Variants in RALGAPA1 observed in about 807,000 individuals in gnomAD.
The protein encoded by RALGAPA1 is ral GTPase-activating protein subunit alpha-1.
RALGAPA1 carries 52 observed loss-of-function variants against 269.6 expected under a neutral mutation model. The observed-to-expected ratio is 0.19, with a 90% confidence interval of 0.15 to 0.24. The LOEUF is 0.24. RALGAPA1 is among the 10% of genes least tolerant of loss of function. The pLI is 1.00. For synonymous variants in RALGAPA1, 817 were observed against 1,008.3 expected (o/e 0.81, Z 3.60); for missense variants, 1,917 against 3,013.9 (o/e 0.64, Z 8.52).
At chr14:35,692,091 C>T (rs1330464061) in intron 17 of RALGAPA1, among the ~76,000 whole-genome samples, 2 of 152,072 alleles carry the variant, frequency 1.3e-5, no homozygotes, top group Non-Finnish European at 2.9e-5. Flanking sequence ...CATAAGAGAT[C>T]ATAAGAACTT....
At chr14:35,683,022 G>C (rs2065590517) in intron 21 of RALGAPA1, among the ~76,000 whole-genome samples, 1 of 152,166 alleles carries the variant, frequency 6.6e-6, no homozygotes, top group Non-Finnish European at 1.5e-5. Context: ...CACTGCGCCA[G>C]TCTTGCAAGT....
chr14:35,763,946 G>A (rs1173434983), intron 4 of RALGAPA1, among the ~76,000 whole-genome samples: 1 of 152,094 alleles, frequency 6.6e-6, no homozygotes, highest in Non-Finnish European at 1.5e-5. Flanking sequence ...ATTGACAGAT[G>A]CTCTAATATT....
At chr14:35,767,570 C>A (rs1178243612) in intron 4 of RALGAPA1, among the ~76,000 whole-genome samples, 1 of 152,012 alleles carries the variant, frequency 6.6e-6, no homozygotes, top group Non-Finnish European at 1.5e-5. Flanking sequence ...CCTGTATAGT[C>A]CCAGCTACTC....
At chr14:35,749,118 T>G (rs978547585) in intron 9 of RALGAPA1, among the ~76,000 whole-genome samples, 1 of 152,184 alleles carries the variant, frequency 6.6e-6, no homozygotes, top group African/African-American at 2.4e-5. Flanking sequence ...AACAAGTTAT[T>G]AATCAAAGCT....
At chr14:35,564,637 G>A (rs908667991) in intron 39 of RALGAPA1, 3 of 152,096 alleles carry the variant, frequency 2.0e-5, no homozygotes, top group African/African-American at 4.8e-5. Flanking sequence ...GAAATCAAAC[G>A]ATACTAGTTG....
chr14:35,769,305 T>C (rs1314252096), intron 4 of RALGAPA1, among the ~76,000 whole-genome samples: 1 of 151,890 alleles, frequency 6.6e-6, no homozygotes, highest in Non-Finnish European at 1.5e-5. Flanking sequence ...TTTAGCAACA[T>C]GGATACAGCT....
intron 39 of RALGAPA1, among the ~76,000 whole-genome samples, chr14:35,563,316 ATATGT>A (rs1210684956): frequency 1.3e-5 from 2 of 152,118 alleles, no homozygotes; most frequent in African/African-American, 2.4e-5. Flanking sequence ...TGAATAATAA[ATATGT>A]TAGGTAGAAA....
chr14:35,738,667 A>G lies in RALGAPA1; in HGVS notation c.1450-17T>C. 1 of 1,595,422 alleles carries G rather than the reference A, an allele frequency of 6.3e-7. No homozygotes were observed. Among genetic ancestry groups the G allele is most frequent in the Non-Finnish European group, 8.5e-7 (1 of 1,172,362 alleles). ...CCCATTTTCCTGAAGCAAAATATCA[A>G]GTTTTTAATATTTCATTACTAAGAA... is the stretch of plus-strand genomic sequence containing the variant. On this transcript the variant is annotated splice_polypyrimidine_tract_variant and intron_variant, in intron 11 of 41. Coordinates refer to ENST00000680220, the MANE Select transcript of RALGAPA1 (RefSeq NM_001346249.2).
rs374374406 is a variant in RALGAPA1 at position 35,775,073 on chromosome 14, G to A, written c.218-18C>T. On this transcript the variant is annotated intron_variant, in intron 2 of 41. Coordinates refer to ENST00000680220, the MANE Select transcript of RALGAPA1 (RefSeq NM_001346249.2). ...CTTGTGACCTAAAACATTTTTATAA[G>A]AAAACATTTAAAACATATCATTTTG... 3 of 1,379,780 alleles carry A rather than the reference G, an allele frequency of 2.2e-6. No individual in the cohort carries two copies. The highest frequency in any genetic ancestry group is 1.5e-5 in the African/African-American group (1 of 68,906). 85.5% of individuals were successfully genotyped at this position (1,379,780 alleles called of 1,614,324 possible). A position where few individuals can be genotyped will look rare whatever the true frequency, so the allele number is the denominator to read the frequency against.
chr14:35,766,263 G>C (rs765619831), intron 4 of RALGAPA1: 53 of 813,508 alleles, frequency 6.5e-5, no homozygotes, highest in Non-Finnish European at 1.1e-4. Flanking sequence ...TGCAGCAATT[G>C]TCTTGGGTGT....
chr14:35,730,608 C>T (rs1357852598), intron 12 of RALGAPA1, among the ~76,000 whole-genome samples: 2 of 151,118 alleles, frequency 1.3e-5, no homozygotes, highest in South Asian at 2.1e-4. Context: ...CTGTGACTGC[C>T]GGCTTTCCCT....
chr14:35,646,908 G>A (rs1397243246), intron 31 of RALGAPA1, among the ~76,000 whole-genome samples: 3 of 152,048 alleles, frequency 2.0e-5, no homozygotes. Flanking sequence ...ATAATTCTTT[G>A]TACTACCCTT....
chr14:35,760,000 T>C (rs1051930061), intron 6 of RALGAPA1, among the ~76,000 whole-genome samples: 1 of 151,996 alleles, frequency 6.6e-6, no homozygotes, highest in Non-Finnish European at 1.5e-5. Flanking sequence ...AATTAAACAT[T>C]ACTGAAATTA....
At chr14:35,756,767 G>A (rs755224251) in intron 7 of RALGAPA1, 26 bp downstream of exon 7, 44 of 1,455,508 alleles carry the variant, frequency 3.0e-5, no homozygotes, top group Middle Eastern at 4.8e-4. Context: ...AGTAAGGAGT[G>A]TGATATCAAA....
intron 38 of RALGAPA1, 135 bp from the exon 39 acceptor site, chr14:35,570,879 A>C: frequency 1.2e-6 from 1 of 810,892 alleles, no homozygotes; most frequent in Non-Finnish European, 1.9e-6. Context: ...TACTATTTGA[A>C]TTCAATTCTT....
At chr14:35,711,986 C>T (rs2068389767) in intron 16 of RALGAPA1, among the ~76,000 whole-genome samples, 1 of 152,076 alleles carries the variant, frequency 6.6e-6, no homozygotes, top group Non-Finnish European at 1.5e-5. Context: ...GTGGCTCACG[C>T]CTATAATCCC....
At chr14:35,544,934 C>G (rs577835586) in intron 41 of RALGAPA1, among the ~76,000 whole-genome samples, 1 of 152,074 alleles carries the variant, frequency 6.6e-6, no homozygotes, top group Non-Finnish European at 1.5e-5. Context: ...GTAATCCCAG[C>G]TACTTGAGAG....
At chr14:35,804,543 T>TCC (rs2077212632) in intron 1 of RALGAPA1, among the ~76,000 whole-genome samples, 1 of 151,728 alleles carries the variant, frequency 6.6e-6, no homozygotes, top group Non-Finnish European at 1.5e-5. Flanking sequence ...CACTCCAGCC[T>TCC]GGGTGACAGA....
chr14:35,609,483 G>A (rs1433438668), intron 35 of RALGAPA1, among the ~76,000 whole-genome samples: 1 of 152,076 alleles, frequency 6.6e-6, no homozygotes, highest in Non-Finnish European at 1.5e-5. Context: ...AAGAGAGAAT[G>A]AATGAAAATA....
Sources: allele counts gnomAD v4.1 joint callset (sites outside exome capture counted in the v4.1 genomes callset), GRCh38; gene constraint gnomAD v4.1.1; transcripts MANE v1.5; gene names NCBI Gene and HGNC (gene_info 2026-07-23, HGNC 2026-07-21).